Variants in HK2 observed in about 807,000 individuals in gnomAD.
The protein encoded by HK2 is hexokinase-2.
Under a neutral mutation model 92.9 loss-of-function variants are expected in HK2, and 42 were observed. That is an observed-to-expected ratio of 0.45 (90% CI 0.35 to 0.58). HK2 has a LOEUF of 0.58. Ranked by LOEUF, HK2 falls within the 20% of genes least tolerant of loss-of-function variation. The pLI is 0.00. For synonymous variants in HK2, 422 were observed against 468.0 expected, an observed-to-expected ratio of 0.90 and a Z score of 1.27; for missense variants, 978 against 1,245.1, an observed-to-expected ratio of 0.79 and a Z score of 3.23.
At chr2:74,851,375 G>A (rs1157294658) in intron 1 of HK2, among the ~76,000 whole-genome samples, 1 of 152,238 alleles carries the variant, frequency 6.6e-6, no homozygotes, top group Admixed American at 6.5e-5. Context: ...TGAACATGTG[G>A]AAGATGGTTA....
rs773823434 is a variant in HK2, at chr2:74,886,619, G to A, written c.2165G>A (p.Arg722His). Residue 722 changes from arginine to histidine, a missense_variant, in exon 15 of 18, where the codon CGC (arginine) becomes CAC (histidine). Coordinates refer to ENST00000290573, the MANE Select transcript of HK2 (RefSeq NM_000189.5). ...FGDNGCLDDF[R>H]TEFDVAVDEL... Reference sequence around the variant, plus strand: ...GACAATGGATGCCTAGATGACTTCCGCACAGAATTTGATGTGGCTGTGGAT... The same window carrying A: ...GACAATGGATGCCTAGATGACTTCCACACAGAATTTGATGTGGCTGTGGAT... The A allele has an allele frequency of 1.6e-5, 26 of 1,613,852 alleles. No individual in the cohort carries two copies. The highest frequency in any genetic ancestry group is 1.6e-4 in the Middle Eastern group (1 of 6,084).
chr2:74,878,800 T>A lies in HK2; in HGVS notation c.1144T>A (p.Ser382Thr), dbSNP rs1689306762. ...HRICQIVSTR[S>T]ASLCAATLAA... Reference sequence around the variant, plus strand: ...GATCTGCCAGATCGTGTCCACACGCTCCGCCAGCCTGTGCGCAGCCACCCT... The same window carrying A: ...GATCTGCCAGATCGTGTCCACACGCACCGCCAGCCTGTGCGCAGCCACCCT... The change falls in exon 9 of 18, where the codon TCC becomes ACC. Residue 382 changes from serine to threonine, a missense_variant. Transcript: ENST00000290573. The A allele has an allele frequency of 3.2e-6, 5 of 1,559,078 alleles. No individual in the cohort carries two copies. Among genetic ancestry groups the A allele is most frequent in the Non-Finnish European group, 4.3e-6 (5 of 1,152,598 alleles).
chr2:74,859,761 A>G (rs1403529274), intron 2 of HK2, among the ~76,000 whole-genome samples: 1 of 152,258 alleles, frequency 6.6e-6, no homozygotes, highest in African/African-American at 2.4e-5. Context: ...GGAAAACAGT[A>G]TGGAGATTTC....
chr2:74,887,668 C>T (rs1228827201), intron 15 of HK2, among the ~76,000 whole-genome samples: 2 of 151,888 alleles, frequency 1.3e-5, no homozygotes, highest in Non-Finnish European at 2.9e-5. Flanking sequence ...GCTTATTTCC[C>T]CAGGAGCCCC....
At position 74,873,746 on chromosome 2, in the gene HK2, A is replaced by AGG. The variant is rs1689156278; in HGVS notation, c.592-98_592-97insGG. On this transcript the variant is annotated intron_variant, in intron 5 of 17. Transcript: ENST00000290573. Reference sequence around the variant, plus strand: ...GGGGAGGGAGGGGGGAGAGAGAGAGAAGGAGGAGGAGGAGGAGGAGGAGTG... The same window carrying AGG: ...GGGGAGGGAGGGGGGAGAGAGAGAGAGGAGGAGGAGGAGGAGGAGGAGGAGTG... 126 of 735,616 alleles carry AGG rather than the reference A, an allele frequency of 1.7e-4. 1 individual carries two copies. The highest frequency in any genetic ancestry group is 3.1e-4 in the Middle Eastern group (1 of 3,202). 45.6% of individuals were successfully genotyped at this position (735,616 alleles called of 1,614,324 possible).
At chr2:74,871,057 A>C (rs1357816672) in intron 3 of HK2, among the ~76,000 whole-genome samples, 1 of 152,070 alleles carries the variant, frequency 6.6e-6, no homozygotes, top group Non-Finnish European at 1.5e-5. Context: ...TAAATGTAAG[A>C]ACTTTCTGTG....
intron 1 of HK2, among the ~76,000 whole-genome samples, chr2:74,837,216 T>C (rs556708040): frequency 2.6e-4 from 39 of 148,980 alleles, no homozygotes; most frequent in African/African-American, 9.5e-4. Flanking sequence ...TCTCCAGCTT[T>C]TCTGTACGAG....
chr2:74,838,393 A>T (rs971730680), intron 1 of HK2, among the ~76,000 whole-genome samples: 2 of 150,650 alleles, frequency 1.3e-5, no homozygotes, highest in Non-Finnish European at 2.9e-5. Flanking sequence ...GTTCGCAGTT[A>T]TCTCTTCATC....
intron 12 of HK2, 66 bp from the exon 13 acceptor site, chr2:74,885,428 G>A: frequency 1.8e-6 from 2 of 1,099,144 alleles, no homozygotes; most frequent in East Asian, 2.4e-5. Context: ...AAGCACAGCT[G>A]GACCCCCAGA....
At chr2:74,846,760 T>A (rs1255705384) in intron 1 of HK2, among the ~76,000 whole-genome samples, 1 of 152,140 alleles carries the variant, frequency 6.6e-6, no homozygotes, top group Non-Finnish European at 1.5e-5. Flanking sequence ...CTTCAAATGA[T>A]CCTCCTCAGC....
At chr2:74,876,959 C>T (rs1689247689) in intron 7 of HK2, among the ~76,000 whole-genome samples, 1 of 152,200 alleles carries the variant, frequency 6.6e-6, no homozygotes, top group Non-Finnish European at 1.5e-5. Flanking sequence ...TTATTCTTCT[C>T]CATAGGTCAA....
intron 1 of HK2, among the ~76,000 whole-genome samples, chr2:74,842,394 C>T (rs534146388): frequency 2.6e-5 from 4 of 152,216 alleles, no homozygotes; most frequent in East Asian, 3.9e-4. Context: ...GCTTTGTGTT[C>T]GATGGTAGGT....
rs989396125 is a variant in HK2, at chr2:74,873,207, G to A, written c.496-69G>A. The A allele has an allele frequency of 1.2e-5, 14 of 1,135,276 alleles. No homozygotes were observed. In the African/African-American group the frequency reaches 2.0e-4, roughly 16 times the overall value. 70.3% of individuals were successfully genotyped at this position (1,135,276 alleles called of 1,614,324 possible). ...GCAGAGGTCTCTGCTAATGACGGAG[G>A]TTTGAGGGGTGTGGTGTGAGTTTCA... is the stretch of plus-strand genomic sequence containing the variant. On this transcript the variant is annotated intron_variant, in intron 4 of 17. Transcript: ENST00000290573.
intron 1 of HK2, among the ~76,000 whole-genome samples, chr2:74,836,886 G>A (rs1207028512): frequency 6.6e-6 from 1 of 152,186 alleles, no homozygotes; most frequent in Non-Finnish European, 1.5e-5. Flanking sequence ...AAATCCCCTT[G>A]TGATAAGATA....
intron 5 of HK2, 33 bp from the exon 6 acceptor site, chr2:74,873,811 T>A (rs1429872112): frequency 4.7e-6 from 7 of 1,497,694 alleles, no homozygotes; most frequent in Non-Finnish European, 6.5e-6. Flanking sequence ...TCTGTGATGA[T>A]GAAGGTCAGA....
intron 8 of HK2, among the ~76,000 whole-genome samples, chr2:74,878,220 C>G (rs1387311525): frequency 1.3e-5 from 2 of 152,122 alleles, no homozygotes; most frequent in Admixed American, 1.3e-4. Flanking sequence ...AGAGAGAAAC[C>G]AGGTGGGCAT....
At chr2:74,857,961 A>G (rs1688732053) in intron 2 of HK2, among the ~76,000 whole-genome samples, 1 of 152,172 alleles carries the variant, frequency 6.6e-6, no homozygotes, top group Non-Finnish European at 1.5e-5. Flanking sequence ...CCTTTTCTCC[A>G]GGGGCACCTG....
At chr2:74,856,277 A>G (rs1458005430) in intron 2 of HK2, among the ~76,000 whole-genome samples, 1 of 152,020 alleles carries the variant, frequency 6.6e-6, no homozygotes, top group Non-Finnish European at 1.5e-5. Flanking sequence ...TTCGTCTGAG[A>G]CTGTATCGTT....
intron 1 of HK2, among the ~76,000 whole-genome samples, chr2:74,844,020 C>T (rs1194577900): frequency 1.3e-5 from 2 of 152,212 alleles, no homozygotes; most frequent in African/African-American, 2.4e-5. Context: ...TACCTTGCCC[C>T]AGGGCAAGCC....
Sources: gnomAD v4.1 joint callset for allele counts (sites outside exome capture counted in the v4.1 genomes callset) on GRCh38, gnomAD v4.1.1 for gene constraint, MANE v1.5 for transcripts, NCBI Gene and HGNC (gene_info 2026-07-23, HGNC 2026-07-21) for gene names.